EBF3: variants seen among roughly 807,000 people sequenced by gnomAD.
EBF3 encodes transcription factor COE3.
Under a neutral mutation model 77.1 loss-of-function variants are expected in EBF3, and 18 were observed. The observed-to-expected ratio is 0.23, with a 90% confidence interval of 0.16 to 0.35. EBF3 has a LOEUF of 0.35. EBF3 is among the 10% of genes least tolerant of loss of function. EBF3 has a pLI of 1.00. For missense variants in EBF3, 558 were observed against 860.0 expected (o/e 0.65, Z 4.39); for synonymous variants, 350 against 343.5 (o/e 1.02, Z -0.21).
At chr10:129,901,888 C>A (rs1854808991) in intron 6 of EBF3, among the ~76,000 whole-genome samples, 1 of 152,254 alleles carries the variant, frequency 6.6e-6, no homozygotes, top group Admixed American at 6.5e-5. Flanking sequence ...AGCTTCCCAA[C>A]CTGTGTGGCC....
chr10:129,838,835 C>T (rs886543398), intron 16 of EBF3, among the ~76,000 whole-genome samples: 2 of 152,224 alleles, frequency 1.3e-5, no homozygotes, highest in African/African-American at 2.4e-5. Flanking sequence ...AATTTATCTC[C>T]GACTCACCGT....
At chr10:129,948,161 G>A (rs920585810) in intron 6 of EBF3, among the ~76,000 whole-genome samples, 2 of 150,820 alleles carry the variant, frequency 1.3e-5, no homozygotes, top group Non-Finnish European at 2.9e-5. Context: ...GGGAAACTGA[G>A]GCAGAAGAAT....
At chr10:129,909,244 T>C (rs1408963370) in intron 6 of EBF3, among the ~76,000 whole-genome samples, 2 of 152,216 alleles carry the variant, frequency 1.3e-5, no homozygotes, top group Admixed American at 6.5e-5. Context: ...GCCCTCTGCA[T>C]GGGTCTCTCT....
At chr10:129,930,173 A>C (rs538331468) in intron 6 of EBF3, among the ~76,000 whole-genome samples, 62 of 152,244 alleles carry the variant, frequency 4.1e-4, no homozygotes, top group African/African-American at 1.5e-3. Context: ...TGAGGATTAC[A>C]CCATCAACTT....
At position 129,841,042 on chromosome 10, in the gene EBF3, T is replaced by TCCAC. The variant is rs71481016; in HGVS notation, c.1373-11_1373-10insGTGG. On this transcript the variant is annotated splice_polypyrimidine_tract_variant and intron_variant, in intron 13 of 16. Coordinates refer to ENST00000440978, the MANE Select transcript of EBF3 (RefSeq NM_001375380.1). This position sits in a 1 kb window ranked among gnomAD's most constrained non-coding sequence, Gnocchi z 4.6. ...TTGCGACTGTAGCCGACTGTTGAAA[T>TCCAC]CCCCCCCCCGGCCAAAAATAACATT... is the stretch of plus-strand genomic sequence containing the variant. 6.8e-5 allele frequency: 102 copies of TCCAC among 1,510,116 alleles called. No individual in the cohort carries two copies. Among genetic ancestry groups the TCCAC allele is most frequent in the Non-Finnish European group, 8.7e-5 (98 of 1,132,538 alleles). 93.5% of individuals were successfully genotyped at this position (1,510,116 alleles called of 1,614,324 possible). A position where few individuals can be genotyped will look rare whatever the true frequency, so the allele number is the denominator to read the frequency against.
chr10:129,940,281 G>T (rs11017021), intron 6 of EBF3, among the ~76,000 whole-genome samples: 1 of 152,072 alleles, frequency 6.6e-6, no homozygotes, highest in Non-Finnish European at 1.5e-5. Context: ...AAAACCCCAC[G>T]CATTTCAAGA....
chr10:129,908,736 T>C (rs894742949), intron 6 of EBF3, among the ~76,000 whole-genome samples: 7 of 152,358 alleles, frequency 4.6e-5, no homozygotes, highest in Middle Eastern at 3.4e-3. Context: ...AGGCCAGCTA[T>C]GCACACATGT....
In EBF3 at chr10:129,861,046, G is replaced by A. The variant is rs75355353; in HGVS notation, c.1039+6095C>T. On this transcript the variant is annotated intron_variant, in intron 10 of 16. Transcript: ENST00000440978. This position sits in a 1 kb window ranked among gnomAD's most constrained non-coding sequence, Gnocchi z 4.3. ...GAGACAGGAAAGAGAGGGGACAGCA[G>A]TGACCCTGGAAGCCCTCCCGGCCCC... is the stretch of plus-strand genomic sequence containing the variant. Among the ~76,000 whole-genome samples, 953 of 152,368 alleles carry A rather than the reference G, an allele frequency of 6.3e-3. 9 individuals carry two copies. Among genetic ancestry groups the A allele is most frequent in the African/African-American group, 0.021 (892 of 41,592 alleles).
intron 6 of EBF3, among the ~76,000 whole-genome samples, chr10:129,940,974 T>C (rs111490580): frequency 2.6e-5 from 4 of 152,314 alleles, no homozygotes; most frequent in African/African-American, 9.6e-5. Context: ...AGCAGTCCCA[T>C]GTCTACAATG....
intron 11 of EBF3, among the ~76,000 whole-genome samples, chr10:129,847,813 A>G (rs907282541): frequency 6.6e-6 from 1 of 152,274 alleles, no homozygotes; most frequent in Admixed American, 6.5e-5. Flanking sequence ...TGGCGTGTGC[A>G]TAAACAACGC....
rs1322047712 is a variant in EBF3, at chr10:129,879,890, C to T, written c.555-2041G>A. 2.0e-5 allele frequency among the ~76,000 whole-genome samples: 3 copies of T among 152,202 alleles called. No individual in the cohort carries two copies. Among genetic ancestry groups the T allele is most frequent in the Non-Finnish European group, 2.9e-5 (2 of 68,044 alleles). On this transcript the variant is annotated intron_variant, in intron 6 of 16. Transcript: ENST00000440978. The surrounding 1 kb of genome is among the most constrained non-coding windows in gnomAD (Gnocchi z 4.7). ...GGTTTTCACTTCGGGGACAGCAACA[C>T]GGTGCAATTACACCACACATTACCA...
chr10:129,955,282 T>C (rs1401217368), intron 6 of EBF3, among the ~76,000 whole-genome samples: 1 of 152,244 alleles, frequency 6.6e-6, no homozygotes, highest in Non-Finnish European at 1.5e-5. Flanking sequence ...TTCTATAAAA[T>C]TGTCATATCT....
intron 6 of EBF3, among the ~76,000 whole-genome samples, chr10:129,913,299 T>C (rs1855650080): frequency 6.6e-6 from 1 of 152,252 alleles, no homozygotes; most frequent in Non-Finnish European, 1.5e-5. Context: ...CTTGCACACA[T>C]TTTCTCCTGG....
intron 6 of EBF3, among the ~76,000 whole-genome samples, chr10:129,907,518 T>G (rs1369013839): frequency 6.6e-6 from 1 of 152,224 alleles, no homozygotes; most frequent in Non-Finnish European, 1.5e-5. Context: ...TTCCCAGAGC[T>G]GCCTCAGAAG....
chr10:129,939,776 C>A (rs532256748), intron 6 of EBF3, among the ~76,000 whole-genome samples: 1 of 152,232 alleles, frequency 6.6e-6, no homozygotes, highest in African/African-American at 2.4e-5. Flanking sequence ...TTCTGTCACA[C>A]GCAAGCTAAT....
At chr10:129,844,568 C>A (rs1036816727) in intron 11 of EBF3, among the ~76,000 whole-genome samples, 1 of 152,158 alleles carries the variant, frequency 6.6e-6, no homozygotes, top group Non-Finnish European at 1.5e-5. Flanking sequence ...ATTGTTTCCC[C>A]ATCTCCCCCA....
At chr10:129,899,485 A>G (rs1288891636) in intron 6 of EBF3, among the ~76,000 whole-genome samples, 1 of 152,220 alleles carries the variant, frequency 6.6e-6, no homozygotes, top group Non-Finnish European at 1.5e-5. Context: ...CAAACAGGCC[A>G]AAACAACAGC....
At chr10:129,856,350 G>A (rs922382716) in intron 10 of EBF3, among the ~76,000 whole-genome samples, 1 of 152,090 alleles carries the variant, frequency 6.6e-6, no homozygotes, top group African/African-American at 2.4e-5. Context: ...ATGAATGAAT[G>A]GATAAACAAA....
rs1857534820 is a variant in EBF3, at chr10:129,938,810, C to T, written c.554+18448G>A. ...TGGGGGTCTTCGTGGCCCATAAAACCAACCTGGGGAAAGAGAACAGAACTT... is the reference window on the plus strand; with the variant it reads ...TGGGGGTCTTCGTGGCCCATAAAACTAACCTGGGGAAAGAGAACAGAACTT... On this transcript the variant is annotated intron_variant, in intron 6 of 16. Coordinates refer to ENST00000440978, the MANE Select transcript of EBF3 (RefSeq NM_001375380.1). This position sits in a 1 kb window ranked among gnomAD's most constrained non-coding sequence, Gnocchi z 5.1. Among the ~76,000 whole-genome samples, 1 of 152,066 alleles carries T rather than the reference C, an allele frequency of 6.6e-6. No individual in the cohort carries two copies. Among genetic ancestry groups the T allele is most frequent in the Non-Finnish European group, 1.5e-5 (1 of 68,012 alleles).
Sources: allele counts gnomAD v4.1 joint callset (sites outside exome capture counted in the v4.1 genomes callset), GRCh38; gene constraint gnomAD v4.1.1; non-coding constraint Gnocchi (gnomAD v3.1); transcripts MANE v1.5; gene names NCBI Gene and HGNC (gene_info 2026-07-23, HGNC 2026-07-21).